NDRG1: variants seen among roughly 807,000 people sequenced by gnomAD.
NDRG1 encodes the protein N-myc downstream regulated 1.
Under a neutral mutation model 56.9 loss-of-function variants are expected in NDRG1, and 32 were observed. That is an observed-to-expected ratio of 0.56 (90% CI 0.42 to 0.76). NDRG1 has a LOEUF of 0.76. NDRG1 is among the 30% of genes least tolerant of loss of function. The probability of loss-of-function intolerance (pLI) is 0.00; values close to 1 mark genes in which losing one functional copy is unlikely to be tolerated. For missense variants in NDRG1, 507 were observed against 545.7 expected (o/e 0.93, Z 0.71); for synonymous variants, 211 against 204.1 (o/e 1.03, Z -0.29).
chr8:133,281,398 A>G (rs915043026), intron 2 of NDRG1, among the ~76,000 whole-genome samples: 7 of 151,666 alleles, frequency 4.6e-5, no homozygotes, highest in African/African-American at 1.7e-4. Flanking sequence ...CCCAAATTCT[A>G]TCTTTTACCA....
intron 1 of NDRG1, among the ~76,000 whole-genome samples, chr8:133,292,151 G>T (rs950563937): frequency 6.6e-6 from 1 of 152,216 alleles, no homozygotes; most frequent in Non-Finnish European, 1.5e-5. Context: ...ATTATTTTGT[G>T]AAATTGCAAG....
intron 3 of NDRG1, among the ~76,000 whole-genome samples, chr8:133,270,712 G>A (rs1450336621): frequency 2.0e-5 from 3 of 152,148 alleles, no homozygotes; most frequent in African/African-American, 7.2e-5. Flanking sequence ...ACTCCAGCTG[G>A]GCTGGGTGAC....
At chr8:133,242,811 GAACAAAAGAAGGACA>G (rs1855460347) in intron 14 of NDRG1, among the ~76,000 whole-genome samples, 1 of 152,022 alleles carries the variant, frequency 6.6e-6, no homozygotes, top group African/African-American at 2.4e-5. Context: ...AGAGAAATAT[GAACAAAAGAAGGACA>G]AATAAAAGGA....
intron 4 of NDRG1, chr8:133,262,378 G>A: frequency 1.7e-6 from 1 of 588,728 alleles, no homozygotes; most frequent in Non-Finnish European, 3.0e-6. Flanking sequence ...AAGTTTCATG[G>A]GGCAAGGGAG....
chr8:133,248,913 G>T, intron 10 of NDRG1, 142 bp from the exon 11 acceptor site: 1 of 850,806 alleles, frequency 1.2e-6, no homozygotes. Flanking sequence ...AGGCCCTGTG[G>T]CTTTCAGGAC....
At chr8:133,244,838 T>C (rs1236305552) in intron 13 of NDRG1, among the ~76,000 whole-genome samples, 1 of 152,210 alleles carries the variant, frequency 6.6e-6, no homozygotes, top group African/African-American at 2.4e-5. Flanking sequence ...AATTTGGGTC[T>C]TCAGGCCGGA....
At chr8:133,288,862 CT>C (rs1858276860) in intron 1 of NDRG1, among the ~76,000 whole-genome samples, 1 of 152,184 alleles carries the variant, frequency 6.6e-6, no homozygotes, top group Admixed American at 6.5e-5. Context: ...TAAAACCCAG[CT>C]TAGCACCAAA....
rs1586453525 is a variant in NDRG1 at position 133,265,418 on chromosome 8, T to G, written c.100-766A>C. Among the ~76,000 whole-genome samples the G allele has an allele frequency of 2.6e-5, 4 of 152,150 alleles. No individual in the cohort carries two copies. The East Asian group carries it at 7.7e-4, about 29-fold the overall frequency. On this transcript the variant is annotated intron_variant, in intron 3 of 15. Coordinates refer to ENST00000323851, the MANE Select transcript of NDRG1 (RefSeq NM_006096.4). ...GGGATGGAAAAGAGTGAAAGACGGTTTGGGGATGGCATCCACCACCTGGGA... is the reference window on the plus strand; with the variant it reads ...GGGATGGAAAAGAGTGAAAGACGGTGTGGGGATGGCATCCACCACCTGGGA...
At chr8:133,240,268 A>G (rs1007566832) in intron 15 of NDRG1, 9 of 152,224 alleles carry the variant, frequency 5.9e-5, no homozygotes, top group Admixed American at 5.9e-4. Context: ...CATGGCTAGG[A>G]GGCCACACTG....
chr8:133,287,355 G>C (rs1858178642), intron 1 of NDRG1, among the ~76,000 whole-genome samples: 1 of 152,088 alleles, frequency 6.6e-6, no homozygotes, highest in South Asian at 2.1e-4. Context: ...GAAAACTCAG[G>C]ATTTATTCAG....
chr8:133,274,711 T>C (rs1019023124), intron 3 of NDRG1, among the ~76,000 whole-genome samples: 2 of 152,110 alleles, frequency 1.3e-5, no homozygotes, highest in Non-Finnish European at 2.9e-5. Context: ...GTGTCAAAGG[T>C]GAACCACAAT....
chr8:133,255,838 T>C, intron 8 of NDRG1: 1 of 157,076 alleles, frequency 6.4e-6, no homozygotes, highest in South Asian at 1.9e-4. Flanking sequence ...CTCTGTCCTA[T>C]TTCAACTGGA....
chr8:133,262,864 G>A (rs1000341477), intron 4 of NDRG1, among the ~76,000 whole-genome samples: 7 of 152,102 alleles, frequency 4.6e-5, no homozygotes, highest in African/African-American at 1.7e-4. Flanking sequence ...TCATCTACCT[G>A]CCAGAAGCAC....
rs1393281575 is a variant in NDRG1, at chr8:133,238,036, C to CTT, written c.*841_*842insAA. On this transcript the variant is annotated 3_prime_UTR_variant, in exon 16 of 16. Coordinates refer to ENST00000323851, the MANE Select transcript of NDRG1 (RefSeq NM_006096.4). ...ATGCAAAACAAATCTAAATGATCTT[C>CTT]TCCCTGAACAAGAATAATCACTGGC... is the stretch of plus-strand genomic sequence containing the variant. 5 of 233,082 alleles carry CTT rather than the reference C, an allele frequency of 2.1e-5. No individual in the cohort carries two copies. In the East Asian group the frequency reaches 3.0e-4, roughly 14 times the overall value. The allele number at this position is 233,082 out of a possible 1,614,324, so 14.4% of individuals were successfully genotyped here.
chr8:133,249,811 G>T (rs889762117), intron 10 of NDRG1, among the ~76,000 whole-genome samples: 1 of 152,208 alleles, frequency 6.6e-6, no homozygotes, highest in South Asian at 2.1e-4. Context: ...TAACATTTGA[G>T]CAGAGATAAA....
At chr8:133,296,552 T>TC (rs1389760945) in intron 1 of NDRG1, 8 of 454,842 alleles carry the variant, frequency 1.8e-5, no homozygotes, top group Non-Finnish European at 3.1e-5. Flanking sequence ...GCCACCAGCC[T>TC]CTCGGATCCA....
At position 133,269,257 on chromosome 8, in the gene NDRG1, A is replaced by G. The variant is rs1028844462; in HGVS notation, c.100-4605T>C. On this transcript the variant is annotated intron_variant, in intron 3 of 15. Transcript: ENST00000323851. ...CTGGCAACACAAACACAACTCCTCCACCATCCAGAGCCCCACACCCAGCTC... is the reference window on the plus strand; with the variant it reads ...CTGGCAACACAAACACAACTCCTCCGCCATCCAGAGCCCCACACCCAGCTC... Among the ~76,000 whole-genome samples, 6 of 152,126 alleles carry G rather than the reference A, an allele frequency of 3.9e-5. No homozygotes were observed. In the East Asian group the frequency reaches 1.2e-3, roughly 29 times the overall value.
intron 1 of NDRG1, among the ~76,000 whole-genome samples, chr8:133,295,825 T>C (rs1387392069): frequency 1.3e-5 from 2 of 152,142 alleles, no homozygotes; most frequent in Admixed American, 1.3e-4. Context: ...GAATATTAGA[T>C]ATTTCCCAGT....
intron 5 of NDRG1, among the ~76,000 whole-genome samples, chr8:133,260,864 G>C (rs867495483): frequency 6.6e-6 from 1 of 152,128 alleles, no homozygotes; most frequent in East Asian, 1.9e-4. Flanking sequence ...ACACAGGTCA[G>C]GTGCAGGGAC....
Sources: gnomAD v4.1 joint callset for allele counts (sites outside exome capture counted in the v4.1 genomes callset) on GRCh38, gnomAD v4.1.1 for gene constraint, MANE v1.5 for transcripts, NCBI Gene and HGNC (gene_info 2026-07-23, HGNC 2026-07-21) for gene names.